LIN28B: variants seen among roughly 807,000 people sequenced by gnomAD.
LIN28B encodes the protein lin-28 RNA binding posttranscriptional regulator B, also known as protein lin-28 homolog B.
LIN28B carries 5 observed loss-of-function variants against 21.9 expected under a neutral mutation model. The ratio of observed to expected loss-of-function variants is 0.23; its 90% CI spans 0.12 to 0.48. The LOEUF is 0.48. Ranked by LOEUF, LIN28B falls within the 20% of genes least tolerant of loss-of-function variation. The pLI, the probability that LIN28B is intolerant of heterozygous loss-of-function variation, is 0.98. For synonymous variants in LIN28B, 109 were observed against 111.3 expected (o/e 0.98, Z 0.13); for missense variants, 245 against 310.5 (o/e 0.79, Z 1.58).
intron 2 of LIN28B, among the ~76,000 whole-genome samples, chr6:105,011,025 C>G (rs1237399336): frequency 6.6e-6 from 1 of 152,218 alleles, no homozygotes; most frequent in East Asian, 1.9e-4. Context: ...CCTTGCATCT[C>G]TCACTCAGAT....
chr6:105,057,151 A>G (rs538704768), intron 3 of LIN28B, among the ~76,000 whole-genome samples: 1 of 152,186 alleles, frequency 6.6e-6, no homozygotes, highest in African/African-American at 2.4e-5. Context: ...TTGGGGTTGC[A>G]TGTTGTTTTA....
At position 105,050,934 on chromosome 6, in the gene LIN28B, G is replaced by C. The variant is rs540243286; in HGVS notation, c.383+24452G>C. 3.8e-4 allele frequency among the ~76,000 whole-genome samples: 58 copies of C among 151,450 alleles called. 1 individual carries two copies. The highest frequency in any genetic ancestry group is 1.3e-3 in the African/African-American group (52 of 40,914). On this transcript the variant is annotated intron_variant, in intron 3 of 3. Coordinates refer to ENST00000345080, the MANE Select transcript of LIN28B (RefSeq NM_001004317.4). Reference sequence around the variant, plus strand: ...AATGATGCTTTAAAACATATATAGGGCTAGGAGTGGTGGCTCATGGCTGTA... The same window carrying C: ...AATGATGCTTTAAAACATATATAGGCCTAGGAGTGGTGGCTCATGGCTGTA...
At chr6:104,971,659 A>T (rs957750840) in intron 2 of LIN28B, among the ~76,000 whole-genome samples, 1 of 152,176 alleles carries the variant, frequency 6.6e-6, no homozygotes, top group Non-Finnish European at 1.5e-5. Flanking sequence ...GTATTGGCCC[A>T]TGCTTTCATT....
intron 2 of LIN28B, among the ~76,000 whole-genome samples, chr6:105,016,783 G>A (rs971751691): frequency 6.6e-6 from 1 of 152,098 alleles, no homozygotes; most frequent in African/African-American, 2.4e-5. Context: ...TTGGCAGAGC[G>A]CGGTGGCTCA....
chr6:104,949,597 G>C (rs1480344000), intron 2 of LIN28B, among the ~76,000 whole-genome samples: 1 of 152,170 alleles, frequency 6.6e-6, no homozygotes, highest in Non-Finnish European at 1.5e-5. Flanking sequence ...AGTAGGTCTA[G>C]TGTGTAAAAC....
At chr6:105,003,734 C>G (rs972971707) in intron 2 of LIN28B, among the ~76,000 whole-genome samples, 3 of 152,088 alleles carry the variant, frequency 2.0e-5, no homozygotes, top group Non-Finnish European at 2.9e-5. Flanking sequence ...AGGCTGGTCT[C>G]AAACTCCTGA....
intron 2 of LIN28B, among the ~76,000 whole-genome samples, chr6:104,991,090 G>A (rs1197736496): frequency 2.0e-5 from 3 of 152,176 alleles, no homozygotes; most frequent in Non-Finnish European, 2.9e-5. Flanking sequence ...CCTCCCAGAC[G>A]GGGTGGCGGC....
intron 2 of LIN28B, among the ~76,000 whole-genome samples, chr6:104,990,613 G>T (rs1260740623): frequency 6.1e-5 from 9 of 146,752 alleles, no homozygotes; most frequent in African/African-American, 2.4e-4. Context: ...TCTCGCAGAG[G>T]GGGATTTGGC....
intron 2 of LIN28B, among the ~76,000 whole-genome samples, chr6:104,974,488 C>CAAAAAA (rs375405881): frequency 1.5e-5 from 1 of 65,016 alleles, no homozygotes; most frequent in Non-Finnish European, 3.1e-5. Flanking sequence ...GACTCCATCT[C>CAAAAAA]AAAAAAAAAA....
At chr6:105,078,269 C>A in intron 3 of LIN28B, 145 bp from the exon 4 acceptor site, 1 of 756,028 alleles carries the variant, frequency 1.3e-6, no homozygotes, top group Non-Finnish European at 2.1e-6. Context: ...ACAGTGTAAC[C>A]AGTATAAACA....
chr6:105,066,682 A>G (rs1458639409), intron 3 of LIN28B, among the ~76,000 whole-genome samples: 2 of 152,026 alleles, frequency 1.3e-5, no homozygotes, highest in Non-Finnish European at 2.9e-5. Context: ...TCTTTTATAT[A>G]TTGTTTGGAC....
intron 3 of LIN28B, among the ~76,000 whole-genome samples, chr6:105,049,829 C>G (rs1771856609): frequency 6.6e-6 from 1 of 152,122 alleles, no homozygotes; most frequent in Non-Finnish European, 1.5e-5. Context: ...GCAACCCCTG[C>G]CTTTTTGTGT....
rs980706120 is a variant in LIN28B at position 105,078,499 on chromosome 6, A to G, written c.469A>G (p.Ile157Val). 22 of 1,614,192 alleles carry G rather than the reference A, an allele frequency of 1.4e-5. No homozygotes were observed. The highest frequency in any genetic ancestry group is 1.8e-5 in the Non-Finnish European group (21 of 1,180,010). The part of the protein sequence containing the change: ...QPKKCHYCQS[I>V]MHMVANCPHK... ...AAAGAAGTGCCATTACTGTCAGAGCATCATGCACATGGTGGCAAACTGCCC... is the reference window on the plus strand; with the variant it reads ...AAAGAAGTGCCATTACTGTCAGAGCGTCATGCACATGGTGGCAAACTGCCC... Residue 157 changes from isoleucine to valine, a missense_variant, in exon 4 of 4, where the codon ATC (isoleucine) becomes GTC (valine). Ile to Val is a conservative substitution (Grantham distance 29). Coordinates refer to ENST00000345080, the MANE Select transcript of LIN28B (RefSeq NM_001004317.4).
chr6:104,979,885 C>A (rs1770185291), intron 2 of LIN28B, among the ~76,000 whole-genome samples: 1 of 152,100 alleles, frequency 6.6e-6, no homozygotes, highest in Admixed American at 6.6e-5. Context: ...CTCATAATTT[C>A]ATTAGTCTGA....
Position 105,078,972 on chromosome 6 carries a change from A to G in LIN28B, c.*189A>G. 1 of 604,850 alleles carries G rather than the reference A, an allele frequency of 1.7e-6. No individual in the cohort carries two copies. Among genetic ancestry groups the G allele is most frequent in the South Asian group, 2.2e-5 (1 of 45,936 alleles). The allele number at this position is 604,850 out of a possible 1,614,324, so 37.5% of individuals were successfully genotyped here. ...TGAGCAGGGTGTCATGTTTTATGTT[A>G]ATTCAGAGAATAAGATACTATGTCT... is the stretch of plus-strand genomic sequence containing the variant. On this transcript the variant is annotated 3_prime_UTR_variant, in exon 4 of 4. Coordinates refer to ENST00000345080, the MANE Select transcript of LIN28B (RefSeq NM_001004317.4).
Position 105,064,917 on chromosome 6 carries a change from A to G in LIN28B, c.384-13497A>G, listed in dbSNP as rs1226298012. Among the ~76,000 whole-genome samples the G allele has an allele frequency of 3.3e-5, 5 of 152,332 alleles. No homozygotes were observed. In the South Asian group the frequency reaches 1.0e-3, roughly 32 times the overall value. On this transcript the variant is annotated intron_variant, in intron 3 of 3. Coordinates refer to ENST00000345080, the MANE Select transcript of LIN28B (RefSeq NM_001004317.4). ...ATACTTAAGGAACTGTACTCATAAT[A>G]AAGCGATTTTTTTGGCTTACAGAAT...
intron 3 of LIN28B, among the ~76,000 whole-genome samples, chr6:105,029,924 T>A (rs905399649): frequency 1.3e-5 from 2 of 152,104 alleles, no homozygotes; most frequent in African/African-American, 4.8e-5. Flanking sequence ...AGTAAACACA[T>A]GGGGTGTGGG....
intron 2 of LIN28B, among the ~76,000 whole-genome samples, chr6:105,018,927 C>G (rs1771081332): frequency 6.6e-6 from 1 of 151,502 alleles, no homozygotes; most frequent in African/African-American, 2.4e-5. Context: ...TCTCATTTAT[C>G]TTGGTCTTTC....
At chr6:104,993,606 TG>T (rs1770538632) in intron 2 of LIN28B, among the ~76,000 whole-genome samples, 1 of 151,780 alleles carries the variant, frequency 6.6e-6, no homozygotes, top group Non-Finnish European at 1.5e-5. Context: ...GAGGCCGAGG[TG>T]GGTGGATTGC....
Sources: allele counts gnomAD v4.1 joint callset (sites outside exome capture counted in the v4.1 genomes callset), GRCh38; gene constraint gnomAD v4.1.1; transcripts MANE v1.5; gene names NCBI Gene and HGNC (gene_info 2026-07-23, HGNC 2026-07-21).